The following HECW2 variants were observed in gnomAD, a reference collection of about 807,000 sequenced individuals.
The protein encoded by HECW2 is HECT, C2 and WW domain containing E3 ubiquitin protein ligase 2.
In HECW2, 61 loss-of-function variants were observed where a neutral mutation model predicts 175.2. The observed-to-expected ratio is 0.35, with a 90% CI of 0.28 to 0.43. HECW2 has a LOEUF of 0.43. HECW2 is among the 20% of genes least tolerant of loss of function. The pLI is 1.00. For missense variants in HECW2, 1,524 were observed against 2,000.5 expected (o/e 0.76, Z 4.54); for synonymous variants, 671 against 731.0 (o/e 0.92, Z 1.32).
chr2:196,401,687 T>A (rs1052749694), intron 2 of HECW2, among the ~76,000 whole-genome samples: 3 of 152,250 alleles, frequency 2.0e-5, no homozygotes, highest in African/African-American at 7.2e-5. Context: ...ATATTCATCC[T>A]GTATATCACA....
At position 196,541,826 on chromosome 2, in the gene HECW2, A is replaced by G. The variant is rs528976225; in HGVS notation, c.-36+51682T>C. 2.8e-4 allele frequency among the ~76,000 whole-genome samples: 43 copies of G among 152,208 alleles called. 1 individual carries two copies. In the South Asian group the frequency reaches 8.7e-3, roughly 31 times the overall value. On this transcript the variant is annotated intron_variant, in intron 1 of 28. Coordinates refer to ENST00000644978, the MANE Select transcript of HECW2 (RefSeq NM_001348768.2). Reference sequence around the variant, plus strand: ...AACAAACTCCTTCCAACACCTGAAGATTTTTTCAGAAAAATGTTCAACATT... The same window carrying G: ...AACAAACTCCTTCCAACACCTGAAGGTTTTTTCAGAAAAATGTTCAACATT...
chr2:196,238,941 C>A (rs1244014923), intron 21 of HECW2: 2 of 152,208 alleles, frequency 1.3e-5, no homozygotes, highest in Non-Finnish European at 2.9e-5. Flanking sequence ...TCTTTGAGAT[C>A]TCAACAAACT....
chr2:196,569,622 C>CCT (rs1260909657), intron 1 of HECW2, among the ~76,000 whole-genome samples: 2 of 152,060 alleles, frequency 1.3e-5, no homozygotes, highest in Non-Finnish European at 2.9e-5. Flanking sequence ...CTAGGGGGAC[C>CCT]CTCTATCTGA....
chr2:196,482,213 C>A (rs1392442485), intron 1 of HECW2, among the ~76,000 whole-genome samples: 1 of 152,230 alleles, frequency 6.6e-6, no homozygotes, highest in East Asian at 1.9e-4. Flanking sequence ...CATAGGCATG[C>A]AAGGGCCTTG....
chr2:196,437,184 C>T (rs933344773), intron 1 of HECW2, among the ~76,000 whole-genome samples: 3 of 151,658 alleles, frequency 2.0e-5, no homozygotes, highest in South Asian at 2.1e-4. Flanking sequence ...AAAAAAGAAA[C>T]GCATGAAGAG....
At chr2:196,370,867 TTCTC>T (rs1693888307) in intron 2 of HECW2, among the ~76,000 whole-genome samples, 1 of 152,134 alleles carries the variant, frequency 6.6e-6, no homozygotes, top group Admixed American at 6.5e-5. Context: ...AGCGCACAGA[TTCTC>T]TCTCTGTGCC....
chr2:196,384,114 TC>T (rs1694282980), intron 2 of HECW2, among the ~76,000 whole-genome samples: 1 of 152,198 alleles, frequency 6.6e-6, no homozygotes, highest in Non-Finnish European at 1.5e-5. Context: ...AATCTTGACC[TC>T]CCTGATTGAA....
chr2:196,524,935 G>GA (rs1353624382), intron 1 of HECW2, among the ~76,000 whole-genome samples: 6 of 139,092 alleles, frequency 4.3e-5, no homozygotes, highest in Non-Finnish European at 9.1e-5. Context: ...GTGTGGTGCT[G>GA]AAAAAAATGT....
chr2:196,510,409 C>G (rs1338976100), intron 1 of HECW2, among the ~76,000 whole-genome samples: 3 of 152,148 alleles, frequency 2.0e-5, no homozygotes, highest in Non-Finnish European at 4.4e-5. Context: ...CATAGTCTTA[C>G]CAGCATCCTC....
At chr2:196,388,332 C>T (rs774569564) in intron 2 of HECW2, among the ~76,000 whole-genome samples, 6 of 152,052 alleles carry the variant, frequency 3.9e-5, no homozygotes, top group Non-Finnish European at 8.8e-5. Context: ...TTGTACAAAA[C>T]GTCATTTCTA....
chr2:196,442,462 T>G (rs1057195409), intron 1 of HECW2, among the ~76,000 whole-genome samples: 1 of 152,054 alleles, frequency 6.6e-6, no homozygotes, highest in South Asian at 2.1e-4. Flanking sequence ...GGCTCTACCC[T>G]AAGGAAAGAA....
chr2:196,427,967 A>G (rs1296842512), intron 2 of HECW2, among the ~76,000 whole-genome samples: 1 of 152,208 alleles, frequency 6.6e-6, no homozygotes, highest in Non-Finnish European at 1.5e-5. Context: ...TTTCTGATTC[A>G]CATGCATATG....
intron 2 of HECW2, among the ~76,000 whole-genome samples, chr2:196,402,200 C>CAAAAAAAAA (rs55851966): frequency 4.3e-5 from 3 of 70,348 alleles, no homozygotes; most frequent in African/African-American, 1.6e-4. Context: ...GACTCTGTCT[C>CAAAAAAAAA]AAAAAAAAAA....
chr2:196,210,181 A>T lies in HECW2; in HGVS notation c.4607+5684T>A, dbSNP rs137982954. ...ATGCTCCCTATAATGGAGGAGGGAAAACTGAATTATTGATAACATTACAGA... is the reference window on the plus strand; with the variant it reads ...ATGCTCCCTATAATGGAGGAGGGAATACTGAATTATTGATAACATTACAGA... On this transcript the variant is annotated intron_variant, in intron 28 of 28. Coordinates refer to ENST00000644978, the MANE Select transcript of HECW2 (RefSeq NM_001348768.2). 9.9e-3 allele frequency among the ~76,000 whole-genome samples: 1,507 copies of T among 152,304 alleles called. 26 individuals are homozygous for T. The highest frequency in any genetic ancestry group is 0.035 in the African/African-American group (1,435 of 41,560).
In HECW2 at chr2:196,292,549, A is replaced by C. The variant is rs1690640552; in HGVS notation, c.3000+16T>G. 1.2e-6 allele frequency: 2 copies of C among 1,604,878 alleles called. No homozygotes were observed. ...ACAGGCATTTGGCACTCCCTGAGGC[A>C]TCTCCCTCGTGTTACCTTGCCCTGG... On this transcript the variant is annotated intron_variant, in intron 14 of 28. Coordinates refer to ENST00000644978, the MANE Select transcript of HECW2 (RefSeq NM_001348768.2).
intron 14 of HECW2, among the ~76,000 whole-genome samples, chr2:196,284,583 T>A (rs1429029452): frequency 1.3e-5 from 2 of 152,194 alleles, no homozygotes; most frequent in Admixed American, 6.5e-5. Context: ...AGCTGAATTG[T>A]GAAAAATAGA....
chr2:196,566,337 C>T (rs185784768), intron 1 of HECW2, among the ~76,000 whole-genome samples: 9 of 150,724 alleles, frequency 6.0e-5, no homozygotes, highest in Admixed American at 5.9e-4. Flanking sequence ...ACGGTCTCCA[C>T]GTATTTAGGT....
At chr2:196,280,873 GAAC>G (rs767448424) in intron 14 of HECW2, among the ~76,000 whole-genome samples, 1 of 152,158 alleles carries the variant, frequency 6.6e-6, no homozygotes, top group Non-Finnish European at 1.5e-5. Flanking sequence ...ATACATATTA[GAAC>G]CAAACCCATA....
intron 2 of HECW2, among the ~76,000 whole-genome samples, chr2:196,406,967 C>A (rs1227673153): frequency 6.6e-6 from 1 of 152,116 alleles, no homozygotes; most frequent in Non-Finnish European, 1.5e-5. Flanking sequence ...TATTTATTTT[C>A]CATCTTTTCT....
Sources: gnomAD v4.1 joint callset for allele counts (sites outside exome capture counted in the v4.1 genomes callset) on GRCh38, gnomAD v4.1.1 for gene constraint, MANE v1.5 for transcripts, NCBI Gene and HGNC (gene_info 2026-07-23, HGNC 2026-07-21) for gene names.